CFH: variants seen among roughly 807,000 people sequenced by gnomAD.
CFH encodes the protein complement factor H, also known as H factor 1 (complement).
CFH carries 53 observed loss-of-function variants against 147.3 expected under a neutral mutation model. The ratio of observed to expected loss-of-function variants is 0.36; its 90% CI spans 0.29 to 0.45. The LOEUF is 0.45. Among genes scored for constraint, CFH ranks in the 20% least tolerant of loss-of-function variants. The pLI is 1.00. For missense variants in CFH, 1,380 were observed against 1,498.0 expected, an observed-to-expected ratio of 0.92 and a Z score of 1.30; for synonymous variants, 536 against 489.4, an observed-to-expected ratio of 1.10 and a Z score of -1.26.
At chr1:196,727,256 C>T (rs1022844756) in intron 14 of CFH, among the ~76,000 whole-genome samples, 3 of 152,094 alleles carry the variant, frequency 2.0e-5, no homozygotes, top group East Asian at 1.9e-4. Context: ...AACCTCAACA[C>T]TTCAGGAGGC....
At chr1:196,687,144 T>C (rs962404669) in intron 7 of CFH, among the ~76,000 whole-genome samples, 1 of 152,110 alleles carries the variant, frequency 6.6e-6, no homozygotes, top group Non-Finnish European at 1.5e-5. Flanking sequence ...AATTACAGTA[T>C]GAATATATTA....
At position 196,737,588 on chromosome 1, in the gene CFH, G is replaced by A. The variant is rs1212645085; in HGVS notation, c.2710G>A (p.Gly904Ser). The change falls in exon 17 of 22, where the codon GGT (glycine) becomes AGT (serine). Residue 904 changes from glycine (G) to serine (S), a missense_variant. Gly to Ser is a moderately conservative substitution (Grantham distance 56). Transcript: ENST00000367429. ...GTKLSYTCEG[G>S]FRISEENETT... ...TAAATTGAGTTATACTTGTGAGGGTGGTTTCAGGATATCTGAAGAAAATGA... is the reference window on the plus strand; with the variant it reads ...TAAATTGAGTTATACTTGTGAGGGTAGTTTCAGGATATCTGAAGAAAATGA... 2 of 1,613,202 alleles carry A rather than the reference G, an allele frequency of 1.2e-6. No individual in the cohort carries two copies. Among genetic ancestry groups the A allele is most frequent in the African/African-American group, 2.7e-5 (2 of 74,858 alleles).
intron 9 of CFH, 25 bp downstream of exon 9, chr1:196,690,264 A>G (rs1667980427): frequency 1.9e-6 from 3 of 1,612,312 alleles, no homozygotes; most frequent in Non-Finnish European, 2.5e-6. Flanking sequence ...CTGAAATCCT[A>G]GCATGTTCAT....
At chr1:196,726,155 A>G (rs1261368669) in intron 12 of CFH, among the ~76,000 whole-genome samples, 2 of 152,184 alleles carry the variant, frequency 1.3e-5, no homozygotes, top group Non-Finnish European at 1.5e-5. Flanking sequence ...ATATTTTTCC[A>G]AAATGTTATG....
chr1:196,724,720 A>T (rs1473191723), intron 11 of CFH, among the ~76,000 whole-genome samples: 1 of 151,556 alleles, frequency 6.6e-6, no homozygotes, highest in African/African-American at 2.4e-5. Context: ...TTGTGTCCAA[A>T]CTCCTTAGTC....
At chr1:196,681,441 A>G (rs1437810186) in intron 6 of CFH, among the ~76,000 whole-genome samples, 1 of 150,530 alleles carries the variant, frequency 6.6e-6, no homozygotes, top group East Asian at 2.0e-4. Context: ...CTGCATTTCT[A>G]TTCTTGCTTC....
At chr1:196,746,668 G>A (rs1653015031) in intron 21 of CFH, among the ~76,000 whole-genome samples, 1 of 152,036 alleles carries the variant, frequency 6.6e-6, no homozygotes, top group Non-Finnish European at 1.5e-5. Context: ...TGTGTTTGTG[G>A]TGAGGACACT....
At chr1:196,713,085 A>G (rs891145241) in intron 9 of CFH, among the ~76,000 whole-genome samples, 1 of 152,078 alleles carries the variant, frequency 6.6e-6, no homozygotes, top group Non-Finnish European at 1.5e-5. Flanking sequence ...ATACATGTGC[A>G]TGTAACCGAC....
At chr1:196,719,528 A>C (rs1668948706) in intron 11 of CFH, among the ~76,000 whole-genome samples, 1 of 151,958 alleles carries the variant, frequency 6.6e-6, no homozygotes, top group African/African-American at 2.4e-5. Context: ...GAATAGTTTT[A>C]AATCTAATTT....
At chr1:196,735,136 A>G (rs1405671241) in intron 15 of CFH, among the ~76,000 whole-genome samples, 5 of 152,116 alleles carry the variant, frequency 3.3e-5, no homozygotes, top group African/African-American at 9.7e-5. Flanking sequence ...ACAGAGAGAG[A>G]GAGTTCATTT....
intron 12 of CFH, 74 bp from the exon 13 acceptor site, chr1:196,726,395 TC>T: frequency 7.8e-6 from 9 of 1,155,166 alleles, no homozygotes; most frequent in Non-Finnish European, 1.1e-5. Flanking sequence ...AAGAAGAAAA[TC>T]TTTCCATTTT....
intron 21 of CFH, 121 bp downstream of exon 21, chr1:196,746,120 A>C: frequency 6.4e-7 from 1 of 1,556,470 alleles, no homozygotes; most frequent in Non-Finnish European, 8.8e-7. Flanking sequence ...TTGCCTACCA[A>C]ATATTTCTGT....
chr1:196,670,472 T>C (rs980508679), intron 1 of CFH, among the ~76,000 whole-genome samples: 3 of 152,174 alleles, frequency 2.0e-5, no homozygotes, highest in Non-Finnish European at 2.9e-5. Flanking sequence ...CAGTTTCTCC[T>C]ATGCTATTCT....
At chr1:196,684,093 G>T (rs1667745002) in intron 6 of CFH, among the ~76,000 whole-genome samples, 3 of 151,878 alleles carry the variant, frequency 2.0e-5, no homozygotes. Flanking sequence ...AGATATAGCA[G>T]AGTTAATGGA....
intron 15 of CFH, among the ~76,000 whole-genome samples, chr1:196,730,065 G>A (rs1170686320): frequency 2.6e-5 from 4 of 151,304 alleles, no homozygotes; most frequent in Admixed American, 1.3e-4. Context: ...CTGCTTTGGG[G>A]GCTCTATTTT....
intron 6 of CFH, among the ~76,000 whole-genome samples, chr1:196,681,326 T>G (rs1667647861): frequency 6.6e-6 from 1 of 151,628 alleles, no homozygotes; most frequent in Admixed American, 6.6e-5. Flanking sequence ...TCATCTGATT[T>G]TTTCGTCTCT....
rs367748155 is a variant in CFH, at chr1:196,720,964, TTTA to T, written c.1697-4151_1697-4149del. Among the ~76,000 whole-genome samples the T allele has an allele frequency of 5.5e-3, 842 of 152,028 alleles. 7 individuals carry two copies. The highest frequency in any genetic ancestry group is 0.018 in the African/African-American group (759 of 41,540). On this transcript the variant is annotated intron_variant, in intron 11 of 21. Coordinates refer to ENST00000367429, the MANE Select transcript of CFH (RefSeq NM_000186.4). Reference sequence around the variant, plus strand: ...TTCTTTCTCCTCACTGTCACCAACATTTATTATTTTTTGACTATTTGACAGTGG... The same window carrying T: ...TTCTTTCTCCTCACTGTCACCAACATTTATTTTTTGACTATTTGACAGTGG...
chr1:196,718,791 T>C (rs1668931177), intron 11 of CFH, among the ~76,000 whole-genome samples: 1 of 152,030 alleles, frequency 6.6e-6, no homozygotes, highest in African/African-American at 2.4e-5. Context: ...CAGTAGAAGC[T>C]GATGTAGAAA....
intron 8 of CFH, 67 bp from the exon 9 acceptor site, chr1:196,689,996 T>C: frequency 1.4e-6 from 2 of 1,421,102 alleles, no homozygotes; most frequent in South Asian, 2.6e-5. Flanking sequence ...ATAATTGTAA[T>C]ATACTATTTT....
Sources: allele counts gnomAD v4.1 joint callset (sites outside exome capture counted in the v4.1 genomes callset), GRCh38; gene constraint gnomAD v4.1.1; transcripts MANE v1.5; gene names NCBI Gene and HGNC (gene_info 2026-07-23, HGNC 2026-07-21).